CFAP45: variants seen among roughly 807,000 people sequenced by gnomAD.
CFAP45 encodes the protein cilia and flagella associated protein 45.
A neutral mutation model predicts 75.6 loss-of-function variants in CFAP45; 43 were observed. The observed-to-expected ratio is 0.57, with a 90% confidence interval of 0.45 to 0.73. CFAP45 has a LOEUF of 0.73. Ranked by LOEUF, CFAP45 falls within the 30% of genes least tolerant of loss-of-function variation. The pLI is 0.00. For missense variants in CFAP45, 689 were observed against 701.5 expected (o/e 0.98, Z 0.20); for synonymous variants, 223 against 244.6 (o/e 0.91, Z 0.82).
At chr1:159,876,437 C>A in intron 10 of CFAP45, 119 bp downstream of exon 10, 1 of 737,516 alleles carries the variant, frequency 1.4e-6, no homozygotes, top group Non-Finnish European at 2.3e-6. Flanking sequence ...ATGATCCCAC[C>A]AACCCAGACA....
intron 2 of CFAP45, among the ~76,000 whole-genome samples, chr1:159,892,403 C>T (rs182545255): frequency 6.6e-6 from 1 of 152,326 alleles, no homozygotes; most frequent in African/African-American, 2.4e-5. Flanking sequence ...ATCTCAATCC[C>T]TCTGGAGAGT....
Position 159,872,451 on chromosome 1 carries a change from C to G in CFAP45, c.*34G>C. 1.3e-6 allele frequency: 2 copies of G among 1,563,086 alleles called. No individual in the cohort carries two copies. Among genetic ancestry groups the G allele is most frequent in the Middle Eastern group, 1.7e-4 (1 of 5,970 alleles). On this transcript the variant is annotated 3_prime_UTR_variant, in exon 12 of 12. Transcript: ENST00000368099. ...CCCAGAGACTGGGCAGAATCTGTCC[C>G]CCGAAGGCATCCTGAGGGCCACGAA...
intron 2 of CFAP45, 38 bp from the exon 3 acceptor site, chr1:159,890,660 C>T (rs373839748): frequency 2.7e-5 from 43 of 1,606,334 alleles, no homozygotes; most frequent in Non-Finnish European, 3.6e-5. Flanking sequence ...AGCTTGTCAC[C>T]CCCACTTCCT....
intron 2 of CFAP45, among the ~76,000 whole-genome samples, chr1:159,892,711 A>C (rs113036377): frequency 4.1e-4 from 62 of 152,340 alleles, no homozygotes; most frequent in Non-Finnish European, 7.9e-4. Flanking sequence ...AACACTTGCA[A>C]ATAAAGACCT....
In CFAP45 at chr1:159,880,678, T is replaced by C; in HGVS notation, c.920A>G (p.Gln307Arg). The C allele has an allele frequency of 6.2e-7, 1 of 1,613,984 alleles. No homozygotes were observed. The highest frequency in any genetic ancestry group is 8.5e-7 in the Non-Finnish European group (1 of 1,179,930). ...AATCTCAGCTTGCATCTTCAGTTTTTGTTGCTGCCTTCGTTCCATGTCCTG... is the reference window on the plus strand; with the variant it reads ...AATCTCAGCTTGCATCTTCAGTTTTCGTTGCTGCCTTCGTTCCATGTCCTG... Reference protein sequence around the residue: ...DLKDMERRQQQKLKMQAEIKR... With the variant: ...DLKDMERRQQRKLKMQAEIKR... The change falls in exon 8 of 12, where the codon CAA becomes CGA. Residue 307 changes from glutamine to arginine, a missense_variant. Physicochemically the swap from Gln to Arg is conservative, Grantham distance 43. Transcript: ENST00000368099.
chr1:159,895,630 C>T (rs534198979), intron 1 of CFAP45, among the ~76,000 whole-genome samples: 1 of 152,368 alleles, frequency 6.6e-6, no homozygotes, highest in African/African-American at 2.4e-5. Context: ...AGCCCCAATA[C>T]TGTAGAGCAG....
At chr1:159,881,824 G>A (rs1185297718) in intron 7 of CFAP45, among the ~76,000 whole-genome samples, 1 of 152,138 alleles carries the variant, frequency 6.6e-6, no homozygotes, top group East Asian at 1.9e-4. Flanking sequence ...CGGAATTAGG[G>A]GAACAGCTGG....
chr1:159,886,403 GATGACAATA>G, intron 6 of CFAP45, 99 bp downstream of exon 6: 1 of 952,954 alleles, frequency 1.0e-6, no homozygotes, highest in Non-Finnish European at 1.6e-6. Flanking sequence ...ATAATAAGTA[GATGACAATA>G]ATGACCATTT....
chr1:159,886,781 T>C (rs1649698671), intron 5 of CFAP45, 92 bp from the exon 6 acceptor site: 6 of 1,031,160 alleles, frequency 5.8e-6, no homozygotes, highest in African/African-American at 1.6e-5. Context: ...CTGCTGAGCA[T>C]GCTGGAGGTG....
At chr1:159,897,810 T>C (rs1481059007) in intron 1 of CFAP45, among the ~76,000 whole-genome samples, 1 of 149,452 alleles carries the variant, frequency 6.7e-6, no homozygotes, top group Non-Finnish European at 1.5e-5. Flanking sequence ...AAACAAAGCA[T>C]AGCAATGGGC....
chr1:159,876,647 G>A lies in CFAP45; in HGVS notation c.1261C>T (p.Arg421Ter), dbSNP rs765671702. ...RKKMETEAELRKSRLEQVAFK... is the reference protein window; with the variant it reads ...RKKMETEAEL ...GCCACCTGTTCGAGCCGACTTTTTC[G>A]CAGCTCAGCCTCTGTTTCCATCTTC... Residue 421 changes from arginine to a stop codon, truncating the protein, a stop_gained, in exon 10 of 12, where the codon CGA becomes TGA. Transcript: ENST00000368099. LOFTEE classifies it high-confidence loss of function. The A allele has an allele frequency of 2.5e-6, 4 of 1,614,162 alleles. No individual in the cohort carries two copies. The highest frequency in any genetic ancestry group is 3.4e-6 in the Non-Finnish European group (4 of 1,180,016).
chr1:159,895,095 G>T (rs898490699), intron 1 of CFAP45, among the ~76,000 whole-genome samples: 2 of 152,162 alleles, frequency 1.3e-5, no homozygotes, highest in African/African-American at 4.8e-5. Context: ...TGGCTCTGTT[G>T]CTTGTAACTA....
At chr1:159,892,014 G>A (rs994243809) in intron 2 of CFAP45, among the ~76,000 whole-genome samples, 1 of 152,050 alleles carries the variant, frequency 6.6e-6, no homozygotes, top group African/African-American at 2.4e-5. Context: ...TGGCCAGGTG[G>A]GGAGACTTAC....
At position 159,888,454 on chromosome 1, in the gene CFAP45, G is replaced by T. The variant is rs751542206; in HGVS notation, c.315C>A (p.Ser105Arg). 6 of 1,604,726 alleles carry T rather than the reference G, an allele frequency of 3.7e-6. No homozygotes were observed. Among genetic ancestry groups the T allele is most frequent in the Non-Finnish European group, 5.1e-6 (6 of 1,172,996 alleles). ...EDPSGESLII[S>R]PEEFERIKWA... ...ATTTGATTCGCTCAAACTCCTCAGG[G>T]CTGATGATTAGGGACTCCCCGGAGG... is the stretch of plus-strand genomic sequence containing the variant. Residue 105 changes from serine (S) to arginine (R), a missense_variant, in exon 4 of 12, where the codon AGC (serine) becomes AGA (arginine). Transcript: ENST00000368099.
chr1:159,873,232 G>C, intron 10 of CFAP45, 64 bp from the exon 11 acceptor site: 4 of 1,437,184 alleles, frequency 2.8e-6, no homozygotes, highest in South Asian at 1.2e-5. Flanking sequence ...GAAAGGTGGT[G>C]GGGGAGCCTC....
At chr1:159,875,726 C>T (rs1649383809) in intron 10 of CFAP45, among the ~76,000 whole-genome samples, 1 of 152,104 alleles carries the variant, frequency 6.6e-6, no homozygotes, top group Non-Finnish European at 1.5e-5. Flanking sequence ...GAGTCTGAAC[C>T]AGAGCAAAAA....
rs183886180 is a variant in CFAP45 at position 159,894,103 on chromosome 1, A to G, written c.4-798T>C. 1.8e-3 allele frequency among the ~76,000 whole-genome samples: 270 copies of G among 152,282 alleles called. 1 individual carries two copies. The highest frequency in any genetic ancestry group is 6.2e-3 in the African/African-American group (256 of 41,560). ...ACACTATACCCCATAAATGTGTACA[A>G]TCATTATGTGTCAATTAAAAACAAA... On this transcript the variant is annotated intron_variant, in intron 1 of 11. Transcript: ENST00000368099.
chr1:159,894,526 C>T (rs1284792568), intron 1 of CFAP45, among the ~76,000 whole-genome samples: 6 of 152,202 alleles, frequency 3.9e-5, no homozygotes. Context: ...AAACTTGAGG[C>T]AGTGGGTGAA....
In CFAP45 at chr1:159,872,460, A is replaced by T. The variant is rs751006669; in HGVS notation, c.*25T>A. ...TGGGCAGAATCTGTCCCCCGAAGGC[A>T]TCCTGAGGGCCACGAAGGCTCCCCT... On this transcript the variant is annotated 3_prime_UTR_variant, in exon 12 of 12. Transcript: ENST00000368099. 13 of 1,601,220 alleles carry T rather than the reference A, an allele frequency of 8.1e-6. No individual in the cohort carries two copies. Among genetic ancestry groups the T allele is most frequent in the Non-Finnish European group, 1.1e-5 (13 of 1,168,132 alleles).
Sources: gnomAD v4.1 joint callset for allele counts (sites outside exome capture counted in the v4.1 genomes callset) on GRCh38, gnomAD v4.1.1 for gene constraint, MANE v1.5 for transcripts, NCBI Gene and HGNC (gene_info 2026-07-23, HGNC 2026-07-21) for gene names.